Variants in HDX observed in about 807,000 individuals in gnomAD.
HDX encodes highly divergent homeobox, also known as chromosome X open reading frame 43.
Under a neutral mutation model 45.2 loss-of-function variants are expected in HDX, and 19 were observed. The ratio of observed to expected loss-of-function variants is 0.42; its 90% confidence interval spans 0.29 to 0.62. The LOEUF (loss-of-function observed/expected upper bound fraction) is 0.62. HDX is among the 20% of genes least tolerant of loss of function. HDX has a pLI of 0.20. For missense variants in HDX, 532 were observed against 493.9 expected (o/e 1.08, Z -0.73); for synonymous variants, 188 against 172.8 (o/e 1.09, Z -0.69).
intron 5 of HDX, among the ~76,000 whole-genome samples, chrX:84,391,946 A>T (rs929241976): frequency 4.5e-5 from 5 of 111,361 alleles, no homozygotes; most frequent in African/African-American, 1.6e-4. Context: ...AGTTTAGTAT[A>T]ATTTCACTTG....
chrX:84,369,961 G>T (rs5968304), intron 5 of HDX, among the ~76,000 whole-genome samples: 26 of 111,975 alleles, frequency 2.3e-4, no homozygotes, highest in African/African-American at 8.5e-4. Context: ...GGGCTAAGGG[G>T]TGCCCAAGCA....
At chrX:84,501,269 G>A (rs2041112938) in intron 1 of HDX, among the ~76,000 whole-genome samples, 1 of 111,462 alleles carries the variant, frequency 9.0e-6, no homozygotes, top group African/African-American at 3.3e-5. Flanking sequence ...CCAATGAAGG[G>A]GTGCGGGAAA....
intron 7 of HDX, among the ~76,000 whole-genome samples, chrX:84,338,919 C>A (rs2037025499): frequency 9.0e-6 from 1 of 111,206 alleles, no homozygotes; most frequent in African/African-American, 3.3e-5. Flanking sequence ...CATGTAAGAC[C>A]TGCCTGCTTC....
chrX:84,467,430 C>CAGGTGAGG (rs2040372840), intron 4 of HDX, among the ~76,000 whole-genome samples: 1 of 110,214 alleles, frequency 9.1e-6, no homozygotes, highest in Admixed American at 9.7e-5. Flanking sequence ...AGTCCAAGAC[C>CAGGTGAGG]AGCCTGGTCA....
At chrX:84,419,761 G>A (rs772831122) in intron 5 of HDX, among the ~76,000 whole-genome samples, 2 of 112,251 alleles carry the variant, frequency 1.8e-5, no homozygotes, top group South Asian at 7.4e-4. Context: ...AATACTGGTG[G>A]TGGCCACAGG....
At chrX:84,437,984 ATCT>A (rs1425462990) in intron 5 of HDX, among the ~76,000 whole-genome samples, 1 of 111,162 alleles carries the variant, frequency 9.0e-6, no homozygotes, top group Non-Finnish European at 1.9e-5. Flanking sequence ...CTTCCAGTTA[ATCT>A]TCTTTGTCAG....
At chrX:84,399,686 A>G (rs1380128422) in intron 5 of HDX, among the ~76,000 whole-genome samples, 2 of 111,972 alleles carry the variant, frequency 1.8e-5, no homozygotes, top group East Asian at 5.6e-4. Flanking sequence ...AGAATTGAAA[A>G]GGAGAGACTA....
chrX:84,378,959 G>A (rs1255798096), intron 5 of HDX, among the ~76,000 whole-genome samples: 1 of 110,288 alleles, frequency 9.1e-6, no homozygotes, highest in Admixed American at 9.7e-5. Flanking sequence ...TAAAGAGATG[G>A]AAAAAGATGT....
At chrX:84,486,608 T>C (rs1348821167) in intron 2 of HDX, among the ~76,000 whole-genome samples, 1 of 111,166 alleles carries the variant, frequency 9.0e-6, no homozygotes. Flanking sequence ...CTGATACATA[T>C]TTTCATGGAC....
chrX:84,380,684 A>T (rs1398238014), intron 5 of HDX, among the ~76,000 whole-genome samples: 1 of 111,391 alleles, frequency 9.0e-6, no homozygotes, highest in East Asian at 2.8e-4. Flanking sequence ...TTGCTTCATG[A>T]TAAAACAACA....
intron 4 of HDX, among the ~76,000 whole-genome samples, chrX:84,460,506 A>C (rs931810314): frequency 2.7e-5 from 3 of 111,966 alleles, no homozygotes; most frequent in Non-Finnish European, 5.6e-5. Flanking sequence ...CATGATAAAA[A>C]GAAAAATGAT....
At chrX:84,461,977 C>T (rs980779632) in intron 4 of HDX, among the ~76,000 whole-genome samples, 2 of 112,011 alleles carry the variant, frequency 1.8e-5, no homozygotes, top group African/African-American at 6.5e-5. Context: ...GATATCATCT[C>T]ACCCCAGTTA....
At chrX:84,334,667 A>G (rs1337747468) in intron 8 of HDX, among the ~76,000 whole-genome samples, 1 of 105,048 alleles carries the variant, frequency 9.5e-6, no homozygotes, top group African/African-American at 3.6e-5. Context: ...TTTTTAAAAA[A>G]AAAGCAAAAA....
intron 7 of HDX, among the ~76,000 whole-genome samples, chrX:84,343,842 C>G (rs1467659318): frequency 9.0e-6 from 1 of 111,103 alleles, no homozygotes; most frequent in Non-Finnish European, 1.9e-5. Context: ...ATGAAAGTCT[C>G]ATGAGAAGTC....
chrX:84,350,982 T>C (rs1449168807), intron 6 of HDX, among the ~76,000 whole-genome samples: 1 of 110,006 alleles, frequency 9.1e-6, no homozygotes, highest in Non-Finnish European at 1.9e-5. Flanking sequence ...CTGTATCCCT[T>C]TGTATGACTT....
chrX:84,349,401 ATATGTGTGTG>A (rs2037281394), intron 6 of HDX, among the ~76,000 whole-genome samples: 1 of 88,134 alleles, frequency 1.1e-5, no homozygotes, highest in Admixed American at 1.4e-4. Context: ...TTATATATAT[ATATGTGTGTG>A]TGTGTGTGTG....
chrX:84,444,999 A>G (rs1212189054), intron 4 of HDX, among the ~76,000 whole-genome samples: 1 of 112,004 alleles, frequency 8.9e-6, no homozygotes, highest in Non-Finnish European at 1.9e-5. Context: ...CTGCTAGATT[A>G]TTAGATTGTC....
At chrX:84,450,684 C>T (rs1182423785) in intron 4 of HDX, among the ~76,000 whole-genome samples, 2 of 112,286 alleles carry the variant, frequency 1.8e-5, no homozygotes, top group Admixed American at 9.4e-5. Context: ...CCATAAATTA[C>T]ATCAATTGGA....
At chrX:84,473,494 C>A (rs901550227) in intron 3 of HDX, among the ~76,000 whole-genome samples, 1 of 110,499 alleles carries the variant, frequency 9.0e-6, no homozygotes, top group African/African-American at 3.3e-5. Context: ...GGAATGAATC[C>A]ATTTTTTACA....
Sources: gnomAD v4.1 joint callset for allele counts (sites outside exome capture counted in the v4.1 genomes callset) on GRCh38, gnomAD v4.1.1 for gene constraint, MANE v1.5 for transcripts, NCBI Gene and HGNC (gene_info 2026-07-23, HGNC 2026-07-21) for gene names.